The following ATP6V1C2 variants were observed in gnomAD, a reference collection of about 807,000 sequenced individuals.
ATP6V1C2 encodes the protein V-type proton ATPase subunit C 2.
Under a neutral mutation model 56.8 loss-of-function variants are expected in ATP6V1C2, and 45 were observed. That is an observed-to-expected ratio of 0.79 (90% CI 0.62 to 1.02). The LOEUF (loss-of-function observed/expected upper bound fraction) is 1.02. ATP6V1C2 is among the 50% of genes least tolerant of loss of function. ATP6V1C2 has a pLI of 0.00. For synonymous variants in ATP6V1C2, 220 were observed against 201.3 expected, an observed-to-expected ratio of 1.09 and a Z score of -0.79; for missense variants, 463 against 519.7, an observed-to-expected ratio of 0.89 and a Z score of 1.06.
In ATP6V1C2 at chr2:10,768,771, C is replaced by T. The variant is rs769956709; in HGVS notation, c.431C>T (p.Thr144Ile). The change falls in exon 6 of 14, where the codon ACT (threonine) becomes ATT (isoleucine). Residue 144 changes from threonine to isoleucine, a missense_variant. Coordinates refer to ENST00000272238, the MANE Select transcript of ATP6V1C2 (RefSeq NM_001039362.2). The part of the protein sequence containing the change: ...DLKSRTAAYN[T>I]LKTNLENLEK... ...AAGTCCCGAACGGCCGCCTACAACA[C>T]TCTGAAGACAAACCTGGAGAACCTG... 20 of 1,613,922 alleles carry T rather than the reference C, an allele frequency of 1.2e-5. No individual in the cohort carries two copies. The South Asian group carries it at 2.1e-4, about 17-fold the overall frequency.
At chr2:10,759,010 C>A (rs1572566237) in intron 4 of ATP6V1C2, among the ~76,000 whole-genome samples, 1 of 152,186 alleles carries the variant, frequency 6.6e-6, no homozygotes, top group Admixed American at 6.5e-5. Context: ...CCTAATATTA[C>A]CTGAATGAGG....
chr2:10,778,359 G>GGGTGGCTGGCCCGCTGAGCTTCCCC (rs1665132811), intron 11 of ATP6V1C2: 5 of 570,872 alleles, frequency 8.8e-6, no homozygotes, highest in Non-Finnish European at 1.6e-5. Flanking sequence ...TGCATGCACC[G>GGGTGGCTGGCCCGCTGAGCTTCCCC]GGTGGCTGGC....
In ATP6V1C2 at chr2:10,726,428, C is replaced by T. The variant is rs1186247086; in HGVS notation, c.130-74C>T. The T allele has an allele frequency of 7.8e-6, 9 of 1,157,194 alleles. No homozygotes were observed. In the African/African-American group the frequency reaches 1.2e-4, roughly 16 times the overall value. 71.7% of individuals were successfully genotyped at this position (1,157,194 alleles called of 1,614,324 possible). A position where few individuals can be genotyped will look rare whatever the true frequency, so the allele number is the denominator to read the frequency against. On this transcript the variant is annotated intron_variant, in intron 2 of 13. Coordinates refer to ENST00000272238, the MANE Select transcript of ATP6V1C2 (RefSeq NM_001039362.2). ...AATTCAAGATGAAGTGACAGAGTCC[C>T]TGCCGTGTTGTTGAGATGGCATCAT...
intron 8 of ATP6V1C2, among the ~76,000 whole-genome samples, chr2:10,773,245 TGTG>T (rs1664746611): frequency 6.6e-6 from 1 of 152,038 alleles, no homozygotes; most frequent in African/African-American, 2.4e-5. Flanking sequence ...CACAAGGAAT[TGTG>T]GGGATGGGTC....
chr2:10,723,371 G>A (rs1661463438), intron 2 of ATP6V1C2, among the ~76,000 whole-genome samples: 1 of 152,094 alleles, frequency 6.6e-6, no homozygotes, highest in African/African-American at 2.4e-5. Flanking sequence ...GCAGGCTTGG[G>A]GGGCTTCAGC....
rs746755191 is a variant in ATP6V1C2 at position 10,779,707 on chromosome 2, A to AG, written c.1061+1038_1061+1039insG. ...CTATAGAAAAAAAAAAAAAAAAAAA[A>AG]CTTCACTGTGGGAAACCTGGCAACT... is the stretch of plus-strand genomic sequence containing the variant. On this transcript the variant is annotated intron_variant, in intron 12 of 13. Transcript: ENST00000272238. Among the ~76,000 whole-genome samples the AG allele has an allele frequency of 1.9e-4, 27 of 145,144 alleles. 1 individual carries two copies. The highest frequency in any genetic ancestry group is 6.7e-4 in the South Asian group (3 of 4,506).
At chr2:10,731,959 T>C (rs1163726276) in intron 3 of ATP6V1C2, among the ~76,000 whole-genome samples, 1 of 151,070 alleles carries the variant, frequency 6.6e-6, no homozygotes. Flanking sequence ...GGCAACAGAG[T>C]GAGACCCTGT....
rs1665598366 is a variant in ATP6V1C2 at position 10,784,407 on chromosome 2, G to A, written c.*1144G>A. 3.8e-6 allele frequency: 4 copies of A among 1,060,020 alleles called. No homozygotes were observed. Among genetic ancestry groups the A allele is most frequent in the Non-Finnish European group, 2.8e-6 (2 of 711,888 alleles). The allele number at this position is 1,060,020 out of a possible 1,614,324, so 65.7% of individuals were successfully genotyped here. On this transcript the variant is annotated 3_prime_UTR_variant, in exon 14 of 14. Transcript: ENST00000272238. ...TCAACATCTCATTTTATGGAAGAGCGACTCTCTGGAGCTACTCCTGCTACA... is the reference window on the plus strand; with the variant it reads ...TCAACATCTCATTTTATGGAAGAGCAACTCTCTGGAGCTACTCCTGCTACA...
At chr2:10,776,896 G>T (rs565737149) in intron 10 of ATP6V1C2, among the ~76,000 whole-genome samples, 6 of 152,354 alleles carry the variant, frequency 3.9e-5, no homozygotes, top group African/African-American at 1.4e-4. Context: ...TCTCTCTGTG[G>T]GCGGGAGGTG....
chr2:10,742,994 T>C (rs76717171), intron 3 of ATP6V1C2, among the ~76,000 whole-genome samples: 1,896 of 152,306 alleles, frequency 0.012, 16 homozygotes, highest in Non-Finnish European at 0.019. Flanking sequence ...CCACTCCATC[T>C]TACCCAATTT....
chr2:10,722,926 C>T lies in ATP6V1C2; in HGVS notation c.77C>T (p.Thr26Ile). ...GCTCTGGAGAGGATGAATACTGTAA[C>T]CTCCAAGTCCAACCTGTCTTATAAT... is the stretch of plus-strand genomic sequence containing the variant. ...LQALERMNTV[T>I]SKSNLSYNTK... The change falls in exon 2 of 14, where the codon ACC (threonine) becomes ATC (isoleucine). Residue 26 changes from threonine (T) to isoleucine (I), a missense_variant. Thr to Ile is a moderately conservative substitution (Grantham distance 89). Transcript: ENST00000272238. 6.2e-7 allele frequency: 1 copy of T among 1,614,110 alleles called. No homozygotes were observed. The highest frequency in any genetic ancestry group is 1.1e-5 in the South Asian group (1 of 91,078).
intron 10 of ATP6V1C2, among the ~76,000 whole-genome samples, chr2:10,776,466 A>G (rs1422992815): frequency 2.6e-5 from 4 of 152,130 alleles, no homozygotes; most frequent in Non-Finnish European, 4.4e-5. Flanking sequence ...TCTTCAGAGC[A>G]GGGCCCACAG....
intron 3 of ATP6V1C2, among the ~76,000 whole-genome samples, chr2:10,737,409 ACT>A (rs1321156869): frequency 4.2e-5 from 6 of 142,190 alleles, no homozygotes; most frequent in African/African-American, 8.2e-5. Flanking sequence ...GGCGAGTGAG[ACT>A]CTGTCTCAAA....
intron 3 of ATP6V1C2, among the ~76,000 whole-genome samples, chr2:10,745,075 A>G (rs1249206698): frequency 1.1e-5 from 1 of 90,824 alleles, no homozygotes; most frequent in African/African-American, 4.3e-5. Flanking sequence ...ACGGAATTTC[A>G]TTCCTGTTGC....
chr2:10,774,525 G>A (rs959553701), intron 8 of ATP6V1C2, among the ~76,000 whole-genome samples: 3 of 152,318 alleles, frequency 2.0e-5, no homozygotes, highest in Middle Eastern at 3.4e-3. Context: ...TCAGGAATTT[G>A]ATAAGCGGGA....
intron 3 of ATP6V1C2, among the ~76,000 whole-genome samples, chr2:10,729,831 G>A (rs796695416): frequency 2.6e-5 from 4 of 152,334 alleles, no homozygotes; most frequent in African/African-American, 9.6e-5. Flanking sequence ...CTCCAGCCTG[G>A]ATGACAGATT....
chr2:10,756,998 GGAGACT>G (rs1237693285), intron 4 of ATP6V1C2, among the ~76,000 whole-genome samples: 1 of 139,490 alleles, frequency 7.2e-6, no homozygotes, highest in Non-Finnish European at 1.5e-5. Flanking sequence ...GAAAACATGA[GGAGACT>G]TTTTTTTTTT....
intron 2 of ATP6V1C2, among the ~76,000 whole-genome samples, chr2:10,725,627 T>A (rs1311831330): frequency 6.7e-6 from 1 of 150,196 alleles, no homozygotes; most frequent in East Asian, 2.2e-4. Flanking sequence ...CCCAAGTAGC[T>A]TGGATTACGG....
At chr2:10,768,063 T>A (rs1245304684) in intron 5 of ATP6V1C2, 1 of 152,302 alleles carries the variant, frequency 6.6e-6, no homozygotes, top group Non-Finnish European at 1.5e-5. Flanking sequence ...CTGTAGCATT[T>A]GTGGATGACC....
Sources: allele counts gnomAD v4.1 joint callset (sites outside exome capture counted in the v4.1 genomes callset), GRCh38; gene constraint gnomAD v4.1.1; transcripts MANE v1.5; gene names NCBI Gene and HGNC (gene_info 2026-07-23, HGNC 2026-07-21).